The following SPAG16 variants were observed in gnomAD, a reference collection of about 807,000 sequenced individuals.
SPAG16 encodes the protein sperm-associated antigen 16 protein.
SPAG16 carries 86 observed loss-of-function variants against 80.4 expected under a neutral mutation model. That is an observed-to-expected ratio of 1.07 (90% CI 0.90 to 1.28). The LOEUF (loss-of-function observed/expected upper bound fraction) is 1.28. Among genes scored for constraint, SPAG16 ranks in the 50% most tolerant of loss-of-function variants. The pLI is 0.00. For missense variants in SPAG16, 870 were observed against 765.3 expected (o/e 1.14, Z -1.61); for synonymous variants, 294 against 265.9 (o/e 1.11, Z -1.03).
chr2:213,899,960 C>CAA (rs1469304074), intron 11 of SPAG16, among the ~76,000 whole-genome samples: 2 of 152,124 alleles, frequency 1.3e-5, no homozygotes, highest in Non-Finnish European at 2.9e-5. Context: ...CAGCTTTGTA[C>CAA]AACTCTTAGT....
chr2:213,932,136 G>T (rs1575585497), intron 12 of SPAG16, among the ~76,000 whole-genome samples: 2 of 128,652 alleles, frequency 1.6e-5, no homozygotes, highest in East Asian at 2.4e-4. Flanking sequence ...TATATTCTTG[G>T]CTTGATACTG....
intron 9 of SPAG16, among the ~76,000 whole-genome samples, chr2:213,412,623 TA>T (rs2069038477): frequency 6.8e-6 from 1 of 147,936 alleles, no homozygotes; most frequent in African/African-American, 2.7e-5. Context: ...TTTGTTTGTT[TA>T]TTTTTTTTTG....
chr2:213,949,043 C>T (rs1359405652), intron 12 of SPAG16, among the ~76,000 whole-genome samples: 1 of 151,852 alleles, frequency 6.6e-6, no homozygotes, highest in African/African-American at 2.4e-5. Context: ...CTTTTTGAAA[C>T]TTTCTTTTTA....
At chr2:214,333,614 G>A (rs1318568474) in intron 15 of SPAG16, among the ~76,000 whole-genome samples, 5 of 152,178 alleles carry the variant, frequency 3.3e-5, no homozygotes, top group Non-Finnish European at 5.9e-5. Flanking sequence ...TTGATGAATG[G>A]AATACCCTGT....
intron 10 of SPAG16, among the ~76,000 whole-genome samples, chr2:213,734,809 A>C (rs2067209896): frequency 1.3e-5 from 2 of 152,146 alleles, no homozygotes; most frequent in Non-Finnish European, 2.9e-5. Flanking sequence ...AATTATTTTT[A>C]AACTTTTGAA....
intron 9 of SPAG16, among the ~76,000 whole-genome samples, chr2:213,468,656 T>TATCTCCTAA (rs1553538790): frequency 7.1e-6 from 1 of 141,810 alleles, no homozygotes; most frequent in African/African-American, 2.5e-5. Context: ...ATATCTCCTA[T>TATCTCCTAA]TGTGTGTGTG....
chr2:214,136,531 A>G (rs2055061165), intron 14 of SPAG16, among the ~76,000 whole-genome samples: 1 of 152,190 alleles, frequency 6.6e-6, no homozygotes, highest in Non-Finnish European at 1.5e-5. Context: ...TCCAGCTCAT[A>G]TCCATGGAGC....
chr2:213,953,010 G>T (rs1243139611), intron 12 of SPAG16, among the ~76,000 whole-genome samples: 2 of 151,870 alleles, frequency 1.3e-5, no homozygotes, highest in Non-Finnish European at 2.9e-5. Context: ...CCTTCCCAAA[G>T]AAAATGATAT....
At chr2:214,146,845 A>G (rs1314961296) in intron 14 of SPAG16, among the ~76,000 whole-genome samples, 9 of 151,984 alleles carry the variant, frequency 5.9e-5, no homozygotes, top group African/African-American at 2.2e-4. Context: ...CTAAAAATAC[A>G]AAAAATTAGC....
At chr2:213,876,686 C>G (rs1426212498) in intron 11 of SPAG16, among the ~76,000 whole-genome samples, 5 of 152,156 alleles carry the variant, frequency 3.3e-5, no homozygotes, top group African/African-American at 1.2e-4. Flanking sequence ...TTCCCCTTCT[C>G]AAGCTTAATG....
chr2:214,166,836 C>A (rs2056675459), intron 15 of SPAG16, among the ~76,000 whole-genome samples: 3 of 151,998 alleles, frequency 2.0e-5, no homozygotes, highest in Admixed American at 6.6e-5. Context: ...TTAAGAAAAT[C>A]AAGTAAAAAT....
At chr2:214,061,419 A>T (rs2050251436) in intron 13 of SPAG16, among the ~76,000 whole-genome samples, 1 of 152,178 alleles carries the variant, frequency 6.6e-6, no homozygotes, top group African/African-American at 2.4e-5. Flanking sequence ...ATGCGTGTGT[A>T]TACATATACT....
chr2:214,088,915 A>T (rs1243321625), intron 13 of SPAG16, among the ~76,000 whole-genome samples: 2 of 152,126 alleles, frequency 1.3e-5, no homozygotes, highest in East Asian at 3.8e-4. Context: ...GAAAGAAGTA[A>T]AAATGGCACA....
At chr2:213,813,674 G>C (rs2072325207) in intron 10 of SPAG16, among the ~76,000 whole-genome samples, 2 of 152,174 alleles carry the variant, frequency 1.3e-5, no homozygotes, top group Non-Finnish European at 2.9e-5. Flanking sequence ...TGCTGATACA[G>C]AAGCAGAGGC....
chr2:213,872,091 T>C (rs971623009), intron 11 of SPAG16, among the ~76,000 whole-genome samples: 2 of 152,172 alleles, frequency 1.3e-5, no homozygotes, highest in African/African-American at 4.8e-5. Flanking sequence ...TGGAAATCTG[T>C]AATCAGCTGA....
chr2:214,256,728 G>GT (rs1690713687), intron 15 of SPAG16, among the ~76,000 whole-genome samples: 1 of 151,842 alleles, frequency 6.6e-6, no homozygotes, highest in South Asian at 2.1e-4. Context: ...TGAAATGGTT[G>GT]TATATATGAG....
chr2:213,821,382 A>T (rs1261492073), intron 10 of SPAG16, among the ~76,000 whole-genome samples: 2 of 152,124 alleles, frequency 1.3e-5, no homozygotes, highest in African/African-American at 4.8e-5. Context: ...TTTTCATAAT[A>T]AACAGGGATT....
At chr2:213,501,875 CTTAT>C (rs974245042) in intron 10 of SPAG16, among the ~76,000 whole-genome samples, 17 of 152,044 alleles carry the variant, frequency 1.1e-4, no homozygotes, top group Non-Finnish European at 2.2e-4. Context: ...TTGCTATTTA[CTTAT>C]TTTTCTTTTT....
At chr2:214,177,827 A>G (rs2057144003) in intron 15 of SPAG16, among the ~76,000 whole-genome samples, 1 of 146,206 alleles carries the variant, frequency 6.8e-6, no homozygotes, top group Admixed American at 6.9e-5. Context: ...CTATAAGTAA[A>G]TATTTTATAT....
Sources: gnomAD v4.1 joint callset for allele counts (sites outside exome capture counted in the v4.1 genomes callset) on GRCh38, gnomAD v4.1.1 for gene constraint, MANE v1.5 for transcripts, NCBI Gene and HGNC (gene_info 2026-07-23, HGNC 2026-07-21) for gene names.